Variants in MRPL22 observed in about 807,000 individuals in gnomAD.
The protein encoded by MRPL22 is large ribosomal subunit protein uL22m.
Under a neutral mutation model 32.4 loss-of-function variants are expected in MRPL22, and 27 were observed. The observed-to-expected ratio is 0.83, with a 90% CI of 0.61 to 1.15. The LOEUF (loss-of-function observed/expected upper bound fraction) is 1.15. Ranked by LOEUF, MRPL22 falls within the 50% of genes most tolerant of loss-of-function variation. The pLI, the probability that MRPL22 is intolerant of heterozygous loss-of-function variation, is 0.00. For synonymous variants in MRPL22, 86 were observed against 87.3 expected (o/e 0.99, Z 0.08); for missense variants, 239 against 260.2 (o/e 0.92, Z 0.56).
intron 2 of MRPL22, among the ~76,000 whole-genome samples, chr5:154,943,657 C>CAT (rs146396911): frequency 0.11 from 16,903 of 150,574 alleles, 1,292 homozygotes; most frequent in African/African-American, 0.21. Context: ...TATACACACA[C>CAT]ATATATATAT....
intron 4 of MRPL22, 26 bp downstream of exon 4, chr5:154,956,462 T>C (rs372604125): frequency 2.7e-6 from 4 of 1,491,642 alleles, no homozygotes; most frequent in Admixed American, 1.8e-5. Flanking sequence ...TATTACCATA[T>C]AATTAATAAT....
At chr5:154,942,116 T>C (rs1240873077) in intron 2 of MRPL22, among the ~76,000 whole-genome samples, 1 of 152,172 alleles carries the variant, frequency 6.6e-6, no homozygotes, top group Non-Finnish European at 1.5e-5. Context: ...TTAATTTTTA[T>C]TTATTTATTT....
intron 6 of MRPL22, among the ~76,000 whole-genome samples, chr5:154,965,805 G>A (rs1308180140): frequency 2.0e-5 from 3 of 152,142 alleles, no homozygotes; most frequent in South Asian, 2.1e-4. Flanking sequence ...TGAAGGGGCC[G>A]TTGTGCCAGA....
chr5:154,966,935 A>G lies in MRPL22; in HGVS notation c.*38A>G. The G allele has an allele frequency of 3.3e-6, 5 of 1,521,570 alleles. No homozygotes were observed. The highest frequency in any genetic ancestry group is 3.5e-6 in the Non-Finnish European group (4 of 1,132,796). The allele number at this position is 1,521,570 out of a possible 1,614,324, so 94.3% of individuals were successfully genotyped here. ...GACTCCACAGTGTATATATTTTGCCATTTATTTTCTAAAAATAAACAAAAA... is the reference window on the plus strand; with the variant it reads ...GACTCCACAGTGTATATATTTTGCCGTTTATTTTCTAAAAATAAACAAAAA... On this transcript the variant is annotated 3_prime_UTR_variant, in exon 7 of 7. Coordinates refer to ENST00000523037, the MANE Select transcript of MRPL22 (RefSeq NM_014180.4).
chr5:154,950,099 T>C (rs1764539527), intron 2 of MRPL22, among the ~76,000 whole-genome samples: 1 of 152,074 alleles, frequency 6.6e-6, no homozygotes, highest in Non-Finnish European at 1.5e-5. Flanking sequence ...CTTAGAATCA[T>C]AGGGGAAGGT....
intron 5 of MRPL22, among the ~76,000 whole-genome samples, chr5:154,957,848 G>A (rs1194627577): frequency 6.6e-6 from 1 of 151,332 alleles, no homozygotes; most frequent in Non-Finnish European, 1.5e-5. Flanking sequence ...ATACAAATGT[G>A]CTGATGGTAA....
intron 3 of MRPL22, among the ~76,000 whole-genome samples, chr5:154,953,599 G>C (rs572566120): frequency 6.7e-6 from 1 of 150,150 alleles, no homozygotes; most frequent in Non-Finnish European, 1.5e-5. Context: ...TATATGAGAC[G>C]TATTTTTAAT....
At position 154,966,850 on chromosome 5, in the gene MRPL22, G is replaced by A. The variant is rs1764775029; in HGVS notation, c.574G>A (p.Glu192Lys). ...PPKTAVAHAK[E>K]YIQQLRSRTI... Reference sequence around the variant, plus strand: ...AAAGACGGCAGTTGCCCATGCCAAAGAGTATATTCAGCAGCTTCGCAGCCG... The same window carrying A: ...AAAGACGGCAGTTGCCCATGCCAAAAAGTATATTCAGCAGCTTCGCAGCCG... The change falls in exon 7 of 7, where the codon GAG (glutamate) becomes AAG (lysine). Residue 192 changes from glutamate (E) to lysine (K), a missense_variant. Physicochemically the swap from Glu to Lys is moderately conservative, Grantham distance 56. Coordinates refer to ENST00000523037, the MANE Select transcript of MRPL22 (RefSeq NM_014180.4). 6.2e-7 allele frequency: 1 copy of A among 1,614,130 alleles called. No individual in the cohort carries two copies. Among genetic ancestry groups the A allele is most frequent in the Non-Finnish European group, 8.5e-7 (1 of 1,180,014 alleles).
chr5:154,958,611 C>T (rs1248603348), intron 5 of MRPL22, among the ~76,000 whole-genome samples: 2 of 139,030 alleles, frequency 1.4e-5, no homozygotes, highest in Non-Finnish European at 3.0e-5. Flanking sequence ...GTGGCGCCAT[C>T]TCCGCTCACT....
intron 2 of MRPL22, among the ~76,000 whole-genome samples, chr5:154,944,360 C>T (rs898288617): frequency 3.9e-5 from 6 of 152,294 alleles, no homozygotes; most frequent in African/African-American, 1.4e-4. Flanking sequence ...TCCCGAGTCT[C>T]TGGGATTACA....
At chr5:154,941,765 C>T (rs1227187045) in intron 2 of MRPL22, among the ~76,000 whole-genome samples, 1 of 152,190 alleles carries the variant, frequency 6.6e-6, no homozygotes, top group Admixed American at 6.5e-5. Flanking sequence ...TTGCCTAAGG[C>T]CACTCAGTTG....
In MRPL22 at chr5:154,941,098, G is replaced by C. The variant is rs761041445; in HGVS notation, c.-13G>C. The C allele has an allele frequency of 6.2e-7, 1 of 1,613,682 alleles. No individual in the cohort carries two copies. Among genetic ancestry groups the C allele is most frequent in the Non-Finnish European group, 8.5e-7 (1 of 1,180,014 alleles). On this transcript the variant is annotated 5_prime_UTR_variant, in exon 1 of 7. Coordinates refer to ENST00000523037, the MANE Select transcript of MRPL22 (RefSeq NM_014180.4). The stretch of plus-strand genomic sequence containing the variant: ...GCTTGAACTCGGCGGCTTCCGTAGC[G>C]GGAGGGCGAAAGATGGCGGCGGCAG...
At chr5:154,956,177 T>C in intron 3 of MRPL22, 194 bp from the exon 4 acceptor site, 1 of 551,788 alleles carries the variant, frequency 1.8e-6, no homozygotes, top group Non-Finnish European at 3.2e-6. Flanking sequence ...TCTTTTAACA[T>C]AGTGAGACTT....
chr5:154,959,258 G>C (rs1764671111), intron 5 of MRPL22: 1 of 151,316 alleles, frequency 6.6e-6, no homozygotes, highest in Non-Finnish European at 1.5e-5. Context: ...GGATCCTCCT[G>C]CCTCAGCCTC....
intron 3 of MRPL22, 35 bp from the exon 4 acceptor site, chr5:154,956,336 A>G: frequency 6.8e-7 from 1 of 1,474,840 alleles, no homozygotes; most frequent in East Asian, 2.3e-5. Context: ...ACCTGCTAAC[A>G]TTTTCTTTCT....
rs1764805813 is a variant in MRPL22, at chr5:154,968,696, C to T, written c.*1799C>T. Reference sequence around the variant, plus strand: ...GTGGTGGGGATGCTCCACGATTGCTCTTGGAGTTGTGACTTCCTTGGGTGT... The same window carrying T: ...GTGGTGGGGATGCTCCACGATTGCTTTTGGAGTTGTGACTTCCTTGGGTGT... On this transcript the variant is annotated 3_prime_UTR_variant, in exon 7 of 7. Coordinates refer to ENST00000523037, the MANE Select transcript of MRPL22 (RefSeq NM_014180.4). 6.6e-6 allele frequency: 1 copy of T among 152,228 alleles called. No individual in the cohort carries two copies. The highest frequency in any genetic ancestry group is 2.1e-4 in the South Asian group (1 of 4,820). The allele number at this position is 152,228 out of a possible 1,614,324, so 9.4% of individuals were successfully genotyped here. A position where few individuals can be genotyped will look rare whatever the true frequency, so the allele number is the denominator to read the frequency against.
In MRPL22 at chr5:154,967,002, A is replaced by G; in HGVS notation, c.*105A>G. ...TTTATGATTTCTCATTGAATTATTG[A>G]AACAGTGTATAACTGCTAGTTGTAA... On this transcript the variant is annotated 3_prime_UTR_variant, in exon 7 of 7. Coordinates refer to ENST00000523037, the MANE Select transcript of MRPL22 (RefSeq NM_014180.4). This position sits in a 1 kb window ranked among gnomAD's most constrained non-coding sequence, Gnocchi z 4.7. 1 of 1,194,394 alleles carries G rather than the reference A, an allele frequency of 8.4e-7. No individual in the cohort carries two copies. Among genetic ancestry groups the G allele is most frequent in the South Asian group, 1.5e-5 (1 of 64,774 alleles). The allele number at this position is 1,194,394 out of a possible 1,614,324, so 74.0% of individuals were successfully genotyped here.
rs1013947690 is a variant in MRPL22, at chr5:154,969,203, G to A, written c.*2306G>A. The A allele has an allele frequency of 1.3e-5, 2 of 152,178 alleles. No individual in the cohort carries two copies. Among genetic ancestry groups the A allele is most frequent in the Admixed American group, 6.5e-5 (1 of 15,282 alleles). The allele number at this position is 152,178 out of a possible 1,614,324, so 9.4% of individuals were successfully genotyped here. On this transcript the variant is annotated 3_prime_UTR_variant, in exon 7 of 7. Coordinates refer to ENST00000523037, the MANE Select transcript of MRPL22 (RefSeq NM_014180.4). ...GGAGGTGATTGATGATGGGTGTGGTGTACCCCATGCTGTTCTCGTGATAGT... is the reference window on the plus strand; with the variant it reads ...GGAGGTGATTGATGATGGGTGTGGTATACCCCATGCTGTTCTCGTGATAGT...
intron 6 of MRPL22, among the ~76,000 whole-genome samples, chr5:154,965,382 C>T (rs1039963992): frequency 1.3e-5 from 2 of 151,390 alleles, no homozygotes; most frequent in Non-Finnish European, 2.9e-5. Context: ...GGCTACTACT[C>T]TGACTTATTG....
Sources: allele counts gnomAD v4.1 joint callset (sites outside exome capture counted in the v4.1 genomes callset), GRCh38; gene constraint gnomAD v4.1.1; non-coding constraint Gnocchi (gnomAD v3.1); transcripts MANE v1.5; gene names NCBI Gene and HGNC (gene_info 2026-07-23, HGNC 2026-07-21).